TAOK3: variants seen among roughly 807,000 people sequenced by gnomAD.
The protein encoded by TAOK3 is TAO kinase 3.
Under a neutral mutation model 120.4 loss-of-function variants are expected in TAOK3, and 40 were observed. The observed-to-expected ratio is 0.33, with a 90% CI of 0.26 to 0.43. The LOEUF is 0.43. Ranked by LOEUF, TAOK3 falls within the 20% of genes least tolerant of loss-of-function variation. The pLI, the probability that TAOK3 is intolerant of heterozygous loss-of-function variation, is 1.00. For synonymous variants in TAOK3, 355 were observed against 387.5 expected, an observed-to-expected ratio of 0.92 and a Z score of 0.99; for missense variants, 821 against 1,112.1, an observed-to-expected ratio of 0.74 and a Z score of 3.72.
At chr12:118,205,914 ATCTC>A (rs1169143748) in intron 11 of TAOK3, among the ~76,000 whole-genome samples, 16 of 148,316 alleles carry the variant, frequency 1.1e-4, no homozygotes, top group South Asian at 2.1e-4. Flanking sequence ...TTCAGACCCA[ATCTC>A]TCTCTCTCTC....
At chr12:118,151,281 G>C in intron 20 of TAOK3, 123 bp from the exon 21 acceptor site, 1 of 517,838 alleles carries the variant, frequency 1.9e-6, no homozygotes, top group Non-Finnish European at 2.9e-6. Flanking sequence ...CATGAAGTGC[G>C]CGCGCGCGCA....
intron 14 of TAOK3, among the ~76,000 whole-genome samples, chr12:118,185,794 T>TA (rs1184489388): frequency 6.6e-6 from 1 of 152,218 alleles, no homozygotes; most frequent in Non-Finnish European, 1.5e-5. Flanking sequence ...ATTTATTCAA[T>TA]ACACATTTAT....
At chr12:118,224,728 T>C (rs950277180) in intron 9 of TAOK3, among the ~76,000 whole-genome samples, 1 of 152,200 alleles carries the variant, frequency 6.6e-6, no homozygotes, top group Non-Finnish European at 1.5e-5. Context: ...TAAAGTTTGA[T>C]CTTTAGGAAA....
chr12:118,358,513 T>C (rs1045268112), intron 1 of TAOK3, among the ~76,000 whole-genome samples: 7 of 152,172 alleles, frequency 4.6e-5, no homozygotes, highest in Admixed American at 1.3e-4. Context: ...GATTGTAAAA[T>C]ATTGTTTTAA....
intron 1 of TAOK3, among the ~76,000 whole-genome samples, chr12:118,305,772 C>T (rs1012040628): frequency 6.6e-6 from 1 of 151,542 alleles, no homozygotes; most frequent in South Asian, 2.1e-4. Context: ...GGTGTGGTGG[C>T]GGGTGCCTGT....
intron 1 of TAOK3, among the ~76,000 whole-genome samples, chr12:118,348,106 C>T (rs946750010): frequency 2.6e-5 from 4 of 152,154 alleles, no homozygotes; most frequent in Admixed American, 2.6e-4. Context: ...TTATGTCCAC[C>T]ACGCCTGCTG....
chr12:118,326,247 C>T (rs1425678173), intron 1 of TAOK3, among the ~76,000 whole-genome samples: 1 of 152,052 alleles, frequency 6.6e-6, no homozygotes, highest in Non-Finnish European at 1.5e-5. Flanking sequence ...CCAGTTTTGC[C>T]ATTTATTGAA....
intron 19 of TAOK3, among the ~76,000 whole-genome samples, chr12:118,154,143 A>C (rs546957681): frequency 6.6e-6 from 1 of 152,346 alleles, no homozygotes; most frequent in Non-Finnish European, 1.5e-5. Context: ...GTTCCTTATC[A>C]GTAAAGGCAG....
At chr12:118,348,542 C>T (rs1189714478) in intron 1 of TAOK3, among the ~76,000 whole-genome samples, 1 of 151,936 alleles carries the variant, frequency 6.6e-6, no homozygotes, top group African/African-American at 2.4e-5. Context: ...GCTCTGCCTC[C>T]CGGGCTCACG....
intron 1 of TAOK3, among the ~76,000 whole-genome samples, chr12:118,318,850 G>A (rs2043583263): frequency 6.6e-6 from 1 of 152,214 alleles, no homozygotes; most frequent in South Asian, 2.1e-4. Flanking sequence ...GTGGGTGAAT[G>A]GAAAATGTGG....
At chr12:118,287,060 C>A (rs1202741907) in intron 1 of TAOK3, among the ~76,000 whole-genome samples, 1 of 151,972 alleles carries the variant, frequency 6.6e-6, no homozygotes, top group Admixed American at 6.6e-5. Context: ...ACTTTGGGGA[C>A]TCGGGGAAAG....
intron 9 of TAOK3, among the ~76,000 whole-genome samples, chr12:118,226,666 C>A (rs2039523031): frequency 6.6e-6 from 1 of 152,168 alleles, no homozygotes; most frequent in African/African-American, 2.4e-5. Flanking sequence ...GACACTATCA[C>A]TTATCAATTT....
intron 1 of TAOK3, among the ~76,000 whole-genome samples, chr12:118,308,935 A>G (rs2043157615): frequency 7.9e-6 from 1 of 126,136 alleles, no homozygotes; most frequent in South Asian, 2.3e-4. Flanking sequence ...TGTCTCCAAA[A>G]AAAAAAAAAA....
chr12:118,243,371 A>G, intron 5 of TAOK3, 44 bp downstream of exon 5: 1 of 1,078,450 alleles, frequency 9.3e-7, no homozygotes, highest in Non-Finnish European at 1.4e-6. Flanking sequence ...AAAGAAAAAG[A>G]AAAAAATGTA....
intron 20 of TAOK3, 70 bp from the exon 21 acceptor site, chr12:118,151,228 C>T: frequency 6.5e-7 from 1 of 1,527,540 alleles, no homozygotes; most frequent in Non-Finnish European, 8.9e-7. Flanking sequence ...ACGCGATACA[C>T]CCATAGGCAC....
chr12:118,321,461 T>G (rs554291955), intron 1 of TAOK3, among the ~76,000 whole-genome samples: 1 of 152,138 alleles, frequency 6.6e-6, no homozygotes, highest in African/African-American at 2.4e-5. Flanking sequence ...AGTTTTGCCA[T>G]GTTGCCCAGG....
intron 17 of TAOK3, among the ~76,000 whole-genome samples, chr12:118,168,955 G>GCTTT: frequency 7.1e-6 from 1 of 140,294 alleles, no homozygotes; most frequent in African/African-American, 2.7e-5. Context: ...CAGCTTGCTT[G>GCTTT]CTTTCCTTCC....
intron 1 of TAOK3, among the ~76,000 whole-genome samples, chr12:118,340,680 C>T (rs1458844179): frequency 6.6e-6 from 1 of 151,892 alleles, no homozygotes; most frequent in Non-Finnish European, 1.5e-5. Context: ...TCATGGCCCA[C>T]GTACTTCCCA....
intron 1 of TAOK3, among the ~76,000 whole-genome samples, chr12:118,325,026 G>A (rs1282512180): frequency 3.3e-5 from 5 of 152,076 alleles, no homozygotes; most frequent in African/African-American, 1.2e-4. Flanking sequence ...GATTACAGGC[G>A]TGAGCCACCG....
Sources: gnomAD v4.1 joint callset for allele counts (sites outside exome capture counted in the v4.1 genomes callset) on GRCh38, gnomAD v4.1.1 for gene constraint, MANE v1.5 for transcripts, NCBI Gene and HGNC (gene_info 2026-07-23, HGNC 2026-07-21) for gene names.